Variants in AUTS2 observed in about 807,000 individuals in gnomAD.
The protein encoded by AUTS2 is activator of transcription and developmental regulator AUTS2, also known as autism susceptibility gene 2 protein.
In AUTS2, 17 loss-of-function variants were observed where a neutral mutation model predicts 112.4. That is an observed-to-expected ratio of 0.15 (90% confidence interval 0.10 to 0.23). The LOEUF is 0.23. AUTS2 is among the 10% of genes least tolerant of loss of function. The probability of loss-of-function intolerance (pLI) is 1.00; values close to 1 mark genes in which losing one functional copy is unlikely to be tolerated. For missense variants in AUTS2, 1,510 were observed against 1,701.6 expected (o/e 0.89, Z 1.98); for synonymous variants, 751 against 702.7 (o/e 1.07, Z -1.09).
At chr7:69,832,497 A>G (rs1176767247) in intron 1 of AUTS2, among the ~76,000 whole-genome samples, 2 of 152,208 alleles carry the variant, frequency 1.3e-5, no homozygotes, top group Non-Finnish European at 1.5e-5. Context: ...TCAACTGGTA[A>G]GCATTACAGA....
At chr7:69,638,445 C>A (rs1192845456) in intron 1 of AUTS2, among the ~76,000 whole-genome samples, 1 of 152,188 alleles carries the variant, frequency 6.6e-6, no homozygotes, top group African/African-American at 2.4e-5. Flanking sequence ...TCTCATAGTA[C>A]TAGAATTGTA....
intron 4 of AUTS2, among the ~76,000 whole-genome samples, chr7:70,375,373 G>A (rs542409714): frequency 2.6e-5 from 4 of 152,284 alleles, no homozygotes; most frequent in African/African-American, 9.6e-5. Context: ...ATTAAAATGT[G>A]TGTACCTGGC....
At chr7:70,655,733 C>T (rs115452775) in intron 5 of AUTS2, among the ~76,000 whole-genome samples, 1,712 of 152,290 alleles carry the variant, frequency 0.011, 32 homozygotes, top group African/African-American at 0.039. Context: ...GCACTGGACA[C>T]ATGCCACATC....
intron 2 of AUTS2, among the ~76,000 whole-genome samples, chr7:69,946,031 G>A (rs952702497): frequency 6.6e-6 from 1 of 152,030 alleles, no homozygotes; most frequent in African/African-American, 2.4e-5. Context: ...ATTTTTATTA[G>A]TGACAGGGTC....
chr7:69,937,148 G>T (rs1796445699), intron 2 of AUTS2, among the ~76,000 whole-genome samples: 1 of 152,202 alleles, frequency 6.6e-6, no homozygotes, highest in Non-Finnish European at 1.5e-5. Context: ...CCAGAGGCCA[G>T]CCTCCCTCCA....
rs1333615907 is a variant in AUTS2, at chr7:69,760,204, T to C, written c.310-139082T>C. 8.1e-5 allele frequency among the ~76,000 whole-genome samples: 12 copies of C among 148,482 alleles called. No individual in the cohort carries two copies. The East Asian group carries it at 1.8e-3, about 22-fold the overall frequency. ...AAAAAAAGTTCTTTTTTTCTTTTTT[T>C]TTTTTTTTTTAAATAGAGATAGGGT... On this transcript the variant is annotated intron_variant, in intron 1 of 18. Coordinates refer to ENST00000342771, the MANE Select transcript of AUTS2 (RefSeq NM_015570.4).
At chr7:70,683,904 G>A (rs1808330595) in intron 5 of AUTS2, among the ~76,000 whole-genome samples, 2 of 152,202 alleles carry the variant, frequency 1.3e-5, no homozygotes, top group South Asian at 2.1e-4. Context: ...GGAAGAGACA[G>A]AGAGAAAAAC....
intron 1 of AUTS2, among the ~76,000 whole-genome samples, chr7:69,798,143 C>T (rs896336044): frequency 2.0e-5 from 3 of 152,096 alleles, no homozygotes; most frequent in Non-Finnish European, 2.9e-5. Flanking sequence ...TGATCTATTT[C>T]GAGCTTGTGA....
chr7:70,389,724 A>T (rs752436363), intron 4 of AUTS2, among the ~76,000 whole-genome samples: 2 of 152,060 alleles, frequency 1.3e-5, no homozygotes, highest in Non-Finnish European at 2.9e-5. Flanking sequence ...AAGCTCAGAT[A>T]CTGTAAATAC....
intron 5 of AUTS2, among the ~76,000 whole-genome samples, chr7:70,496,401 T>C (rs866550910): frequency 3.0e-5 from 1 of 33,758 alleles, no homozygotes; most frequent in Non-Finnish European, 5.4e-5. Context: ...ACGTACACAG[T>C]CACACACACA....
intron 4 of AUTS2, among the ~76,000 whole-genome samples, chr7:70,307,460 G>A (rs1328286336): frequency 1.3e-5 from 2 of 152,148 alleles, no homozygotes; most frequent in Non-Finnish European, 2.9e-5. Context: ...GAAGATTTTT[G>A]TCTCTACTGA....
At chr7:69,806,865 T>C (rs1408449110) in intron 1 of AUTS2, among the ~76,000 whole-genome samples, 1 of 152,246 alleles carries the variant, frequency 6.6e-6, no homozygotes, top group Non-Finnish European at 1.5e-5. Context: ...ATGAGCTTTT[T>C]CCAGGAGTAA....
At chr7:69,742,133 G>A (rs975667956) in intron 1 of AUTS2, among the ~76,000 whole-genome samples, 2 of 139,372 alleles carry the variant, frequency 1.4e-5, no homozygotes, top group South Asian at 4.4e-4. Flanking sequence ...TTTTTTTTGA[G>A]GGGGGAGGGC....
chr7:69,936,515 A>G (rs57682760), intron 2 of AUTS2, among the ~76,000 whole-genome samples: 3,197 of 152,070 alleles, frequency 0.021, 76 homozygotes, highest in East Asian at 0.053. Flanking sequence ...ACACCCGGCT[A>G]ATTTTTTGTA....
At chr7:70,300,407 A>G (rs1789158461) in intron 4 of AUTS2, among the ~76,000 whole-genome samples, 1 of 152,162 alleles carries the variant, frequency 6.6e-6, no homozygotes, top group African/African-American at 2.4e-5. Context: ...GTCTTAATAA[A>G]GTATTGCAGC....
intron 1 of AUTS2, among the ~76,000 whole-genome samples, chr7:69,760,223 A>G (rs1232471746): frequency 7.0e-6 from 1 of 142,192 alleles, no homozygotes; most frequent in African/African-American, 2.6e-5. Context: ...TTAAATAGAG[A>G]TAGGGTTTTC....
chr7:70,425,750 AATTCT>A (rs1402449368), intron 4 of AUTS2, among the ~76,000 whole-genome samples: 2 of 152,212 alleles, frequency 1.3e-5, no homozygotes, highest in African/African-American at 2.4e-5. Context: ...ATCAGTGAAG[AATTCT>A]ATTCTATCTA....
chr7:69,957,753 A>G (rs1797274268), intron 2 of AUTS2, among the ~76,000 whole-genome samples: 1 of 152,270 alleles, frequency 6.6e-6, no homozygotes, highest in South Asian at 2.1e-4. Flanking sequence ...GTGTTTGTGT[A>G]CAAATTAGAT....
chr7:70,719,755 C>G (rs1810567940), intron 6 of AUTS2, among the ~76,000 whole-genome samples: 1 of 152,150 alleles, frequency 6.6e-6, no homozygotes, highest in Non-Finnish European at 1.5e-5. Context: ...AACCACCGCA[C>G]CCGGCCAAGA....
Sources: gnomAD v4.1 joint callset for allele counts (sites outside exome capture counted in the v4.1 genomes callset) on GRCh38, gnomAD v4.1.1 for gene constraint, MANE v1.5 for transcripts, NCBI Gene and HGNC (gene_info 2026-07-23, HGNC 2026-07-21) for gene names.